The following TBC1D22A variants were observed in gnomAD, a reference collection of about 807,000 sequenced individuals.
TBC1D22A encodes putative GTPase activator.
A neutral mutation model predicts 60.2 loss-of-function variants in TBC1D22A; 38 were observed. The ratio of observed to expected loss-of-function variants is 0.63; its 90% CI spans 0.49 to 0.83. The LOEUF (loss-of-function observed/expected upper bound fraction) is 0.83. Ranked by LOEUF, TBC1D22A falls within the 40% of genes least tolerant of loss-of-function variation. The pLI is 0.00. For synonymous variants in TBC1D22A, 302 were observed against 281.7 expected (o/e 1.07, Z -0.72); for missense variants, 628 against 701.0 (o/e 0.90, Z 1.18).
chr22:46,904,137 A>ATCTG (rs1427828970), intron 7 of TBC1D22A, among the ~76,000 whole-genome samples: 6 of 95,324 alleles, frequency 6.3e-5, no homozygotes, highest in African/African-American at 2.1e-4. Context: ...CTATCTATCT[A>ATCTG]TCTATCTACC....
At chr22:46,891,487 T>C in intron 6 of TBC1D22A, 93 bp downstream of exon 6, 1 of 1,392,566 alleles carries the variant, frequency 7.2e-7, no homozygotes, top group East Asian at 2.6e-5. Flanking sequence ...CCATGTGGAG[T>C]TGGTCAGAGT....
intron 7 of TBC1D22A, among the ~76,000 whole-genome samples, chr22:46,906,799 G>A (rs76476232): frequency 8.0e-6 from 1 of 125,756 alleles, no homozygotes; most frequent in East Asian, 2.1e-4. Context: ...GTGTGTGTGT[G>A]TATGTGTGTG....
chr22:46,765,416 C>G (rs892047575), intron 1 of TBC1D22A, among the ~76,000 whole-genome samples: 1 of 152,204 alleles, frequency 6.6e-6, no homozygotes, highest in African/African-American at 2.4e-5. Context: ...GCTTTGGCAG[C>G]TCTTTCAATT....
chr22:47,152,808 G>T (rs2067557119), intron 12 of TBC1D22A, among the ~76,000 whole-genome samples: 3 of 152,234 alleles, frequency 2.0e-5, no homozygotes. Flanking sequence ...GAGGGACGGG[G>T]TCCAGATGTC....
In TBC1D22A at chr22:47,030,788, C is replaced by A. The variant is rs146171511; in HGVS notation, c.1202-6283C>A. The stretch of plus-strand genomic sequence containing the variant: ...ACTTATAAAATAAGAAAAATGAATC[C>A]TTTCGGCATGTACATTTGCAGCTTT... On this transcript the variant is annotated intron_variant, in intron 10 of 12. Transcript: ENST00000337137. 9.8e-5 allele frequency among the ~76,000 whole-genome samples: 15 copies of A among 152,316 alleles called. No individual in the cohort carries two copies. In the East Asian group the frequency reaches 2.9e-3, roughly 29 times the overall value.
At chr22:46,977,544 G>T (rs893921608) in intron 9 of TBC1D22A, among the ~76,000 whole-genome samples, 1 of 152,104 alleles carries the variant, frequency 6.6e-6, no homozygotes, top group African/African-American at 2.4e-5. Flanking sequence ...CTAGGAAAAA[G>T]AACAAACCAC....
intron 12 of TBC1D22A, among the ~76,000 whole-genome samples, chr22:47,119,248 T>C (rs1374829332): frequency 2.0e-5 from 3 of 152,226 alleles, no homozygotes; most frequent in Non-Finnish European, 4.4e-5. Flanking sequence ...CCAGAAAATG[T>C]CTTCCTAGTA....
At chr22:47,129,725 A>G (rs994615956) in intron 12 of TBC1D22A, among the ~76,000 whole-genome samples, 2 of 152,126 alleles carry the variant, frequency 1.3e-5, no homozygotes, top group Non-Finnish European at 2.9e-5. Context: ...AAAAACAAAA[A>G]TTTTTATTTA....
At chr22:46,795,224 C>T (rs1172322450) in intron 3 of TBC1D22A, among the ~76,000 whole-genome samples, 1 of 152,258 alleles carries the variant, frequency 6.6e-6, no homozygotes, top group Non-Finnish European at 1.5e-5. Context: ...TCCTGGGCAG[C>T]GCCCTTCAGC....
chr22:47,081,334 G>A (rs2064460529), intron 11 of TBC1D22A, among the ~76,000 whole-genome samples: 1 of 152,222 alleles, frequency 6.6e-6, no homozygotes, highest in Non-Finnish European at 1.5e-5. Context: ...ACTAGGAGTA[G>A]AAGGGCACTT....
intron 10 of TBC1D22A, among the ~76,000 whole-genome samples, chr22:47,035,255 C>T (rs1240730404): frequency 6.6e-6 from 1 of 152,228 alleles, no homozygotes; most frequent in Non-Finnish European, 1.5e-5. Context: ...TACCTGCTCT[C>T]TCTGCAGGCC....
chr22:47,140,698 C>T (rs1216454232), intron 12 of TBC1D22A, among the ~76,000 whole-genome samples: 1 of 152,250 alleles, frequency 6.6e-6, no homozygotes, highest in Non-Finnish European at 1.5e-5. Context: ...TGCCTTTGCT[C>T]CTTCTGCAGG....
intron 11 of TBC1D22A, among the ~76,000 whole-genome samples, chr22:47,043,321 G>A (rs1201102183): frequency 6.6e-6 from 1 of 152,188 alleles, no homozygotes; most frequent in African/African-American, 2.4e-5. Flanking sequence ...GGCGAAGGGT[G>A]TGGGGAGCAG....
intron 7 of TBC1D22A, among the ~76,000 whole-genome samples, chr22:46,902,001 T>C (rs183080166): frequency 2.1e-4 from 32 of 152,360 alleles, no homozygotes; most frequent in Admixed American, 3.9e-4. Flanking sequence ...TTTTTAGTTA[T>C]GCAAAATCTC....
intron 12 of TBC1D22A, among the ~76,000 whole-genome samples, chr22:47,164,207 G>A (rs1490966004): frequency 1.3e-5 from 2 of 152,202 alleles, no homozygotes; most frequent in Non-Finnish European, 2.9e-5. Context: ...CCTCCCCGCA[G>A]GCCGTTCTCA....
At chr22:46,904,735 T>C (rs1240210417) in intron 7 of TBC1D22A, among the ~76,000 whole-genome samples, 5 of 151,810 alleles carry the variant, frequency 3.3e-5, no homozygotes, top group Admixed American at 1.3e-4. Context: ...CCCAAAGTGC[T>C]GGGATTACAG....
At chr22:46,795,008 T>C (rs900157073) in intron 3 of TBC1D22A, among the ~76,000 whole-genome samples, 6 of 152,254 alleles carry the variant, frequency 3.9e-5, no homozygotes, top group Non-Finnish European at 7.3e-5. Context: ...AACCACTTTC[T>C]AGGAATTGGT....
At chr22:47,170,689 A>G (rs1415904271) in intron 12 of TBC1D22A, among the ~76,000 whole-genome samples, 1 of 145,890 alleles carries the variant, frequency 6.9e-6, no homozygotes, top group African/African-American at 2.6e-5. Flanking sequence ...CAGAGAGAGG[A>G]CAGTCCTGGT....
chr22:46,957,924 C>T lies in TBC1D22A; in HGVS notation c.1016-16366C>T, dbSNP rs577892109. Among the ~76,000 whole-genome samples the T allele has an allele frequency of 4.6e-5, 7 of 152,166 alleles. No homozygotes were observed. The South Asian group carries it at 1.5e-3, about 32-fold the overall frequency. On this transcript the variant is annotated intron_variant, in intron 8 of 12. Coordinates refer to ENST00000337137, the MANE Select transcript of TBC1D22A (RefSeq NM_014346.5). ...GCAGATGATGGAGGGTGGACTGGAG[C>T]TGGGGCATCAGAGGCAGGAGGCATA...
Sources: allele counts gnomAD v4.1 joint callset (sites outside exome capture counted in the v4.1 genomes callset), GRCh38; gene constraint gnomAD v4.1.1; transcripts MANE v1.5; gene names NCBI Gene and HGNC (gene_info 2026-07-23, HGNC 2026-07-21).